The following NAE1 variants were observed in gnomAD, a reference collection of about 807,000 sequenced individuals.
NAE1 encodes NEDD8-activating enzyme E1 regulatory subunit.
Under a neutral mutation model 88.0 loss-of-function variants are expected in NAE1, and 59 were observed. The ratio of observed to expected loss-of-function variants is 0.67; its 90% CI spans 0.54 to 0.83. The LOEUF (loss-of-function observed/expected upper bound fraction) is 0.83, where lower values mean the gene tolerates loss of function less well. NAE1 is among the 40% of genes least tolerant of loss of function. The pLI is 0.00. For synonymous variants in NAE1, 186 were observed against 208.9 expected (o/e 0.89, Z 0.95); for missense variants, 554 against 632.8 (o/e 0.88, Z 1.34).
Position 66,810,367 on chromosome 16 carries a change from G to A in NAE1, c.1150+7C>T, listed in dbSNP as rs1959744170. On this transcript the variant is annotated splice_region_variant and intron_variant, in intron 15 of 19. Transcript: ENST00000290810. Reference sequence around the variant, plus strand: ...CAAAATAAGGAAATTAATTCAAGGGGACTTACAGAGTAATTTTAATTCTTT... The same window carrying A: ...CAAAATAAGGAAATTAATTCAAGGGAACTTACAGAGTAATTTTAATTCTTT... The A allele has an allele frequency of 6.3e-7, 1 of 1,584,752 alleles. No homozygotes were observed. The highest frequency in any genetic ancestry group is 8.7e-7 in the Non-Finnish European group (1 of 1,154,572).
At chr16:66,808,935 A>C in intron 16 of NAE1, 54 bp downstream of exon 16, 1 of 1,215,346 alleles carries the variant, frequency 8.2e-7, no homozygotes, top group Non-Finnish European at 1.2e-6. Flanking sequence ...CAAAATATTT[A>C]TATCTTTTAA....
chr16:66,822,844 AT>A (rs1960324292), intron 6 of NAE1, among the ~76,000 whole-genome samples: 2 of 149,418 alleles, frequency 1.3e-5, no homozygotes, highest in Admixed American at 6.6e-5. Context: ...TAATTTTTGT[AT>A]TTTTAGTAGA....
intron 7 of NAE1, among the ~76,000 whole-genome samples, chr16:66,820,717 T>C (rs745844795): frequency 1.6e-4 from 24 of 152,038 alleles, no homozygotes; most frequent in Non-Finnish European, 2.8e-4. Context: ...CTGGCTAACA[T>C]GGTGAAACCC....
At chr16:66,810,243 A>G (rs1429714313) in intron 15 of NAE1, 131 bp downstream of exon 15, 2 of 703,608 alleles carry the variant, frequency 2.8e-6, no homozygotes, top group African/African-American at 1.8e-5. Flanking sequence ...AACCTTACCC[A>G]ATAATTATCT....
intron 1 of NAE1, among the ~76,000 whole-genome samples, chr16:66,827,174 G>T (rs1412269834): frequency 6.6e-6 from 1 of 152,032 alleles, no homozygotes; most frequent in Non-Finnish European, 1.5e-5. Context: ...TGTCACCCAG[G>T]CTGGAGTGTA....
Position 66,821,565 on chromosome 16 carries a change from T to TAA in NAE1, c.402-8_402-7dup. The TAA allele has an allele frequency of 5.8e-5, 73 of 1,253,192 alleles. No homozygotes were observed. The highest frequency in any genetic ancestry group is 2.4e-4 in the South Asian group (16 of 65,330). The allele number at this position is 1,253,192 out of a possible 1,614,324, so 77.6% of individuals were successfully genotyped here. A position where few individuals can be genotyped will look rare whatever the true frequency, so the allele number is the denominator to read the frequency against. ...CTGCTAAGCGTAGTGAAGTGCTGTT[T>TAA]AAAAAAAAAAAGCAAAATATGAACA... On this transcript the variant is annotated splice_region_variant and splice_polypyrimidine_tract_variant and intron_variant, in intron 6 of 19. Transcript: ENST00000290810.
At chr16:66,822,854 G>A (rs1214260266) in intron 6 of NAE1, among the ~76,000 whole-genome samples, 1 of 149,598 alleles carries the variant, frequency 6.7e-6, no homozygotes, top group Non-Finnish European at 1.5e-5. Context: ...ATTTTTAGTA[G>A]AGATGGGATT....
At chr16:66,817,280 A>G in intron 9 of NAE1, 145 bp downstream of exon 9, 1 of 864,594 alleles carries the variant, frequency 1.2e-6, no homozygotes, top group Non-Finnish European at 1.8e-6. Context: ...AGGAACTGCT[A>G]GATTTAAATT....
At position 66,810,767 on chromosome 16, in the gene NAE1, C is replaced by T. The variant is rs986934942; in HGVS notation, c.1040G>A (p.Arg347His). Residue 347 changes from arginine to histidine, a missense_variant, in exon 14 of 20, where the codon CGT (arginine) becomes CAT (histidine). Arg to His is a conservative substitution (Grantham distance 29). Transcript: ENST00000290810. ...GGCAGCATCTTTCTTTGCTTTTTCA[C>T]GGTAACTAAAAAAGAATAAAAAGCA... is the stretch of plus-strand genomic sequence containing the variant. ...GKYIKLQNVY[R>H]EKAKKDAAAV... The T allele has an allele frequency of 1.4e-5, 22 of 1,613,512 alleles. No individual in the cohort carries two copies. Among genetic ancestry groups the T allele is most frequent in the Admixed American group, 3.3e-5 (2 of 59,906 alleles).
intron 1 of NAE1, chr16:66,828,064 T>C (rs760808082): frequency 1.1e-5 from 17 of 1,612,964 alleles, no homozygotes; most frequent in Non-Finnish European, 1.4e-5. Flanking sequence ...CTGTCAAATG[T>C]ATGGAGGAAT....
At chr16:66,816,504 T>C (rs1260232489) in intron 11 of NAE1, 77 bp downstream of exon 11, 2 of 1,027,184 alleles carry the variant, frequency 1.9e-6, no homozygotes, top group Non-Finnish European at 3.0e-6. Context: ...CTTAAATCAT[T>C]ATAGTCAACC....
At chr16:66,814,787 C>A (rs1959975343) in intron 11 of NAE1, among the ~76,000 whole-genome samples, 1 of 152,160 alleles carries the variant, frequency 6.6e-6, no homozygotes, top group African/African-American at 2.4e-5. Flanking sequence ...CAATCCACTT[C>A]CCTGACTGAA....
chr16:66,816,980 C>A lies in NAE1; in HGVS notation c.733G>T (p.Asp245Tyr). ...KTYKEKEDFR[D>Y]LIRQGILKNE... ...CCCATATTACCTTGTCTAATCAAATCTCTGAAGTCCTCTTTTTCTTTATAC... is the reference window on the plus strand; with the variant it reads ...CCCATATTACCTTGTCTAATCAAATATCTGAAGTCCTCTTTTTCTTTATAC... The change falls in exon 10 of 20, where the codon GAT (aspartate) becomes TAT (tyrosine). Residue 245 changes from aspartate (D) to tyrosine (Y), a missense_variant. Transcript: ENST00000290810. The A allele has an allele frequency of 6.3e-7, 1 of 1,599,402 alleles. No homozygotes were observed. The highest frequency in any genetic ancestry group is 8.5e-7 in the Non-Finnish European group (1 of 1,176,266).
At chr16:66,820,552 G>GT (rs1960209230) in intron 7 of NAE1, among the ~76,000 whole-genome samples, 1 of 152,094 alleles carries the variant, frequency 6.6e-6, no homozygotes, top group Non-Finnish European at 1.5e-5. Flanking sequence ...GAGGTCAGGA[G>GT]TTCGAGACCA....
At chr16:66,829,115 A>G (rs1441158091) in intron 1 of NAE1, among the ~76,000 whole-genome samples, 2 of 152,174 alleles carry the variant, frequency 1.3e-5, no homozygotes, top group East Asian at 3.8e-4. Context: ...GGGCTTATTG[A>G]CTGCTGCATT....
intron 1 of NAE1, among the ~76,000 whole-genome samples, 176 bp from the exon 2 acceptor site, chr16:66,826,956 G>A (rs1960486116): frequency 2.0e-5 from 3 of 152,164 alleles, no homozygotes; most frequent in African/African-American, 7.2e-5. Flanking sequence ...AACTCAGGTT[G>A]ATGCCTTGAA....
chr16:66,830,120 C>T (rs1200453319), intron 1 of NAE1, among the ~76,000 whole-genome samples: 1 of 152,200 alleles, frequency 6.6e-6, no homozygotes, highest in Non-Finnish European at 1.5e-5. Context: ...CTCCTGACCT[C>T]AGGTGATCCG....
intron 19 of NAE1, among the ~76,000 whole-genome samples, chr16:66,805,454 C>A (rs1421901661): frequency 6.6e-6 from 1 of 150,912 alleles, no homozygotes; most frequent in Non-Finnish European, 1.5e-5. Flanking sequence ...ACCTGAGCAA[C>A]ATAGTGGGAC....
intron 17 of NAE1, 101 bp from the exon 18 acceptor site, chr16:66,806,127 A>G: frequency 7.6e-7 from 1 of 1,322,726 alleles, no homozygotes; most frequent in Non-Finnish European, 1.0e-6. Flanking sequence ...CAAAATATGT[A>G]TGAAACTGAA....
Sources: allele counts gnomAD v4.1 joint callset (sites outside exome capture counted in the v4.1 genomes callset), GRCh38; gene constraint gnomAD v4.1.1; transcripts MANE v1.5; gene names NCBI Gene and HGNC (gene_info 2026-07-23, HGNC 2026-07-21).